Variants in GRIN2B observed in about 807,000 individuals in gnomAD.
GRIN2B encodes the protein glutamate ionotropic receptor NMDA type subunit 2B.
GRIN2B carries 5 observed loss-of-function variants against 114.5 expected under a neutral mutation model. The observed-to-expected ratio is 0.04, with a 90% CI of 0.02 to 0.09. GRIN2B has a LOEUF of 0.09. Among genes scored for constraint, GRIN2B ranks in the 10% least tolerant of loss-of-function variants. The pLI is 1.00. For synonymous variants in GRIN2B, 787 were observed against 745.1 expected (o/e 1.06, Z -0.92); for missense variants, 1,108 against 1,943.5 (o/e 0.57, Z 8.08).
intron 3 of GRIN2B, among the ~76,000 whole-genome samples, chr12:13,765,638 G>A (rs1196012708): frequency 2.6e-5 from 4 of 152,126 alleles, no homozygotes; most frequent in African/African-American, 9.7e-5. Flanking sequence ...ATTTCTTATA[G>A]TTCTTATGAC....
At chr12:13,814,705 G>A (rs548826090) in intron 3 of GRIN2B, among the ~76,000 whole-genome samples, 2 of 152,324 alleles carry the variant, frequency 1.3e-5, no homozygotes, top group South Asian at 2.1e-4. Context: ...GCTGTCCAAT[G>A]TGATAGCCAA....
chr12:13,810,735 C>T (rs1006530221), intron 3 of GRIN2B, among the ~76,000 whole-genome samples: 29 of 152,182 alleles, frequency 1.9e-4, no homozygotes, highest in African/African-American at 7.0e-4. Flanking sequence ...ACTTCTAATG[C>T]CTATACAGTG....
At position 13,932,986 on chromosome 12, in the gene GRIN2B, TGC is replaced by T. The variant is rs763294873; in HGVS notation, c.-19+46940_-19+46941del. ...GTGTGTGTGTGTGTGTGTGTGTGTGTGCGTGTGCGTGTGTGTGTGTTTGTGTG... is the reference window on the plus strand; with the variant it reads ...GTGTGTGTGTGTGTGTGTGTGTGTGTGTGTGCGTGTGTGTGTGTTTGTGTG... On this transcript the variant is annotated intron_variant, in intron 2 of 13. Coordinates refer to ENST00000609686, the MANE Select transcript of GRIN2B (RefSeq NM_000834.5). Among the ~76,000 whole-genome samples, 227 of 148,392 alleles carry T rather than the reference TGC, an allele frequency of 1.5e-3. 1 individual carries two copies. The highest frequency in any genetic ancestry group is 5.3e-3 in the African/African-American group (209 of 39,630).
chr12:13,783,990 A>G lies in GRIN2B; in HGVS notation c.412-30075T>C, dbSNP rs938392010. ...TGTAATCCCAGCACTTTGGGAGGCC[A>G]AGGCGGGTGGATCACGAGTTCAGGA... On this transcript the variant is annotated intron_variant, in intron 3 of 13. Coordinates refer to ENST00000609686, the MANE Select transcript of GRIN2B (RefSeq NM_000834.5). Among the ~76,000 whole-genome samples, 11 of 152,182 alleles carry G rather than the reference A, an allele frequency of 7.2e-5. No homozygotes were observed. In the East Asian group the frequency reaches 1.8e-3, roughly 24 times the overall value.
At chr12:13,802,940 C>G (rs191569077) in intron 3 of GRIN2B, among the ~76,000 whole-genome samples, 5 of 152,214 alleles carry the variant, frequency 3.3e-5, no homozygotes, top group African/African-American at 1.2e-4. Flanking sequence ...TCCACTTACA[C>G]ACAGATTTTC....
intron 3 of GRIN2B, among the ~76,000 whole-genome samples, chr12:13,860,290 C>A (rs986000916): frequency 6.6e-6 from 1 of 152,084 alleles, no homozygotes; most frequent in African/African-American, 2.4e-5. Context: ...ATGAAAAGTG[C>A]TATTGAAAGC....
At chr12:13,665,361 G>A (rs11608687) in intron 5 of GRIN2B, among the ~76,000 whole-genome samples, 1 of 151,852 alleles carries the variant, frequency 6.6e-6, no homozygotes, top group Non-Finnish European at 1.5e-5. Flanking sequence ...CACACCTCCA[G>A]CTCCACCCCA....
At chr12:13,854,165 A>G (rs1865618510) in intron 3 of GRIN2B, among the ~76,000 whole-genome samples, 1 of 152,176 alleles carries the variant, frequency 6.6e-6, no homozygotes, top group Admixed American at 6.5e-5. Context: ...TGGGCCCTGG[A>G]AAGTAGAAAA....
chr12:13,701,673 T>C (rs935613033), intron 4 of GRIN2B, among the ~76,000 whole-genome samples: 1 of 152,144 alleles, frequency 6.6e-6, no homozygotes, highest in African/African-American at 2.4e-5. Flanking sequence ...CAATGGAAGG[T>C]TTTGTTTTGA....
At chr12:13,748,516 G>A (rs1280468976) in intron 4 of GRIN2B, among the ~76,000 whole-genome samples, 1 of 152,132 alleles carries the variant, frequency 6.6e-6, no homozygotes, top group African/African-American at 2.4e-5. Flanking sequence ...AGATGGGTTT[G>A]GAAAACTTAC....
intron 2 of GRIN2B, among the ~76,000 whole-genome samples, chr12:13,911,461 G>A (rs1866626077): frequency 6.6e-6 from 1 of 152,080 alleles, no homozygotes; most frequent in East Asian, 1.9e-4. Flanking sequence ...TGGCAAACAG[G>A]AACAACCCCC....
At chr12:13,609,196 C>A (rs2136471152) in intron 9 of GRIN2B, among the ~76,000 whole-genome samples, 1 of 152,290 alleles carries the variant, frequency 6.6e-6, no homozygotes, top group Non-Finnish European at 1.5e-5. Context: ...TATGGTCACA[C>A]TTGGGTCATG....
chr12:13,599,591 T>C (rs560591143), intron 10 of GRIN2B, among the ~76,000 whole-genome samples: 14 of 152,240 alleles, frequency 9.2e-5, no homozygotes, highest in Non-Finnish European at 2.1e-4. Context: ...AGTGAACTTA[T>C]AAAAGATTAG....
chr12:13,568,269 G>C (rs1304763243), intron 12 of GRIN2B, among the ~76,000 whole-genome samples: 1 of 152,128 alleles, frequency 6.6e-6, no homozygotes, highest in East Asian at 1.9e-4. Flanking sequence ...ATGTGCCCTA[G>C]AATGCATCTA....
At chr12:13,674,849 C>G (rs1243489627) in intron 5 of GRIN2B, among the ~76,000 whole-genome samples, 1 of 152,098 alleles carries the variant, frequency 6.6e-6, no homozygotes, top group Non-Finnish European at 1.5e-5. Flanking sequence ...CACCTCTGAA[C>G]TTCCAAGGGT....
At chr12:13,886,279 C>T (rs1866155166) in intron 2 of GRIN2B, among the ~76,000 whole-genome samples, 1 of 152,152 alleles carries the variant, frequency 6.6e-6, no homozygotes, top group Admixed American at 6.5e-5. Flanking sequence ...AGCCATGGTT[C>T]ATATAGTTCA....
chr12:13,772,653 C>A (rs1863926688), intron 3 of GRIN2B, among the ~76,000 whole-genome samples: 1 of 152,150 alleles, frequency 6.6e-6, no homozygotes, highest in Non-Finnish European at 1.5e-5. Flanking sequence ...CATGTCTGCA[C>A]AGAGTAAATA....
intron 3 of GRIN2B, among the ~76,000 whole-genome samples, chr12:13,758,353 T>C (rs1167906453): frequency 6.6e-6 from 1 of 152,032 alleles, no homozygotes; most frequent in East Asian, 1.9e-4. Context: ...CTCTACCCAT[T>C]TCCCCCTTTT....
chr12:13,741,273 AC>A (rs1863281088), intron 4 of GRIN2B, among the ~76,000 whole-genome samples: 1 of 151,954 alleles, frequency 6.6e-6, no homozygotes, highest in East Asian at 1.9e-4. Context: ...CTCATGATCC[AC>A]CCACCTTGGC....
Sources: gnomAD v4.1 joint callset for allele counts (sites outside exome capture counted in the v4.1 genomes callset) on GRCh38, gnomAD v4.1.1 for gene constraint, MANE v1.5 for transcripts, NCBI Gene and HGNC (gene_info 2026-07-23, HGNC 2026-07-21) for gene names.